The following DEUP1 variants were observed in gnomAD, a reference collection of about 807,000 sequenced individuals.
The protein encoded by DEUP1 is coiled-coil domain containing 67.
DEUP1 carries 82 observed loss-of-function variants against 87.4 expected under a neutral mutation model. That is an observed-to-expected ratio of 0.94 (90% CI 0.78 to 1.13). The LOEUF is 1.13. Among genes scored for constraint, DEUP1 ranks in the 50% most tolerant of loss-of-function variants. DEUP1 has a pLI of 0.00. For synonymous variants in DEUP1, 214 were observed against 222.7 expected, an observed-to-expected ratio of 0.96 and a Z score of 0.35; for missense variants, 663 against 681.5, an observed-to-expected ratio of 0.97 and a Z score of 0.30.
At chr11:93,359,111 A>T (rs1290727742) in intron 4 of DEUP1, among the ~76,000 whole-genome samples, 3 of 152,194 alleles carry the variant, frequency 2.0e-5, no homozygotes, top group Non-Finnish European at 2.9e-5. Context: ...TATGTACTTG[A>T]TTCGGTTTGC....
chr11:93,408,228 T>C lies in DEUP1; in HGVS notation c.1327-3T>C. 3 of 1,545,296 alleles carry C rather than the reference T, an allele frequency of 1.9e-6. No homozygotes were observed. Among genetic ancestry groups the C allele is most frequent in the Non-Finnish European group, 2.6e-6 (3 of 1,145,088 alleles). ...TTCAATGATAGTTTATTTTATTCTC[T>C]AGAGTATGGACTTCACTAACAGGGA... On this transcript the variant is annotated splice_polypyrimidine_tract_variant and splice_region_variant and intron_variant, in intron 11 of 13. Transcript: ENST00000298050.
chr11:93,392,653 TAAC>T (rs1053336433), intron 9 of DEUP1, among the ~76,000 whole-genome samples: 3 of 149,276 alleles, frequency 2.0e-5, no homozygotes, highest in Non-Finnish European at 3.0e-5. Flanking sequence ...GACATTGTAA[TAAC>T]ATTCTGGCTA....
Position 93,371,975 on chromosome 11 carries a change from C to T in DEUP1, c.789+695C>T, listed in dbSNP as rs1184782011. On this transcript the variant is annotated intron_variant, in intron 7 of 13. Transcript: ENST00000298050. ...ACGGAGTCTCGCTCTGTCGCCCAGG[C>T]TGGAGTGCAGTGGCGGGATCTCGGC... 2.7e-5 allele frequency among the ~76,000 whole-genome samples: 4 copies of T among 148,974 alleles called. No homozygotes were observed. The East Asian group carries it at 8.0e-4, about 30-fold the overall frequency.
intron 2 of DEUP1, among the ~76,000 whole-genome samples, chr11:93,348,664 G>A (rs1196726856): frequency 6.6e-6 from 1 of 152,120 alleles, no homozygotes; most frequent in African/African-American, 2.4e-5. Context: ...TATTAGTGTT[G>A]ATTTCTAATT....
intron 11 of DEUP1, among the ~76,000 whole-genome samples, chr11:93,403,793 T>G (rs1947190872): frequency 6.6e-6 from 1 of 151,802 alleles, no homozygotes; most frequent in Admixed American, 6.6e-5. Context: ...ATATTAAAAT[T>G]TCATAATTAG....
chr11:93,416,544 A>G (rs367660457), intron 13 of DEUP1, among the ~76,000 whole-genome samples: 1 of 151,916 alleles, frequency 6.6e-6, no homozygotes, highest in Non-Finnish European at 1.5e-5. Context: ...TCAATAGCTT[A>G]CCAACCAAAA....
In DEUP1 at chr11:93,402,530, A is replaced by G. The variant is rs568594430; in HGVS notation, c.1327-5701A>G. On this transcript the variant is annotated intron_variant, in intron 11 of 13. Transcript: ENST00000298050. ...GGTATATATCCAAAAGAAAGGAATC[A>G]ATATATAAAAGAGATACCTGCACTC... Among the ~76,000 whole-genome samples the G allele has an allele frequency of 2.6e-4, 40 of 152,096 alleles. No homozygotes were observed. The East Asian group carries it at 5.6e-3, about 21-fold the overall frequency.
In DEUP1 at chr11:93,355,443, G is replaced by T; in HGVS notation, c.102G>T (p.Met34Ile). 6.2e-7 allele frequency: 1 copy of T among 1,613,730 alleles called. No individual in the cohort carries two copies. The highest frequency in any genetic ancestry group is 2.2e-5 in the East Asian group (1 of 44,826). The change falls in exon 3 of 14, where the codon ATG becomes ATT. Residue 34 changes from methionine (M) to isoleucine (I), a missense_variant. Met to Ile is a conservative substitution (Grantham distance 10). Coordinates refer to ENST00000298050, the MANE Select transcript of DEUP1 (RefSeq NM_181645.4). Reference sequence around the variant, plus strand: ...ACATCATGGTAAGCAACAAGAAAATGGATTGGGAAAGAAAGATGCGGGCTT... The same window carrying T: ...ACATCATGGTAAGCAACAAGAAAATTGATTGGGAAAGAAAGATGCGGGCTT... Reference protein sequence around the residue: ...QIDIMVSNKKMDWERKMRALE... With the variant: ...QIDIMVSNKKIDWERKMRALE...
At chr11:93,395,693 C>T (rs1682099565) in intron 10 of DEUP1, among the ~76,000 whole-genome samples, 1 of 151,772 alleles carries the variant, frequency 6.6e-6, no homozygotes, top group Admixed American at 6.6e-5. Flanking sequence ...AGAAATGAGT[C>T]CTAGAGAAGT....
rs200293063 is a variant in DEUP1 at position 93,342,452 on chromosome 11, G to A, written c.29+10164G>A. On this transcript the variant is annotated intron_variant, in intron 2 of 13. Coordinates refer to ENST00000298050, the MANE Select transcript of DEUP1 (RefSeq NM_181645.4). ...CTCTAGCTGCAAGAGAAGGCACTGA[G>A]GCAAAGGAATGCAAGTTTTGTCCAC... 5.3e-5 allele frequency among the ~76,000 whole-genome samples: 8 copies of A among 152,326 alleles called. No homozygotes were observed. In the East Asian group the frequency reaches 1.3e-3, roughly 26 times the overall value.
At chr11:93,410,617 A>C (rs551689457) in intron 12 of DEUP1, among the ~76,000 whole-genome samples, 1 of 152,210 alleles carries the variant, frequency 6.6e-6, no homozygotes, top group Admixed American at 6.5e-5. Flanking sequence ...TTGAGCACCC[A>C]CTGGGTACAG....
At chr11:93,377,422 A>G (rs1946089644) in intron 7 of DEUP1, among the ~76,000 whole-genome samples, 1 of 152,060 alleles carries the variant, frequency 6.6e-6, no homozygotes, top group Non-Finnish European at 1.5e-5. Flanking sequence ...TATCTGATGT[A>G]AGAGTAGCTG....
rs1396191198 is a variant in DEUP1, at chr11:93,393,060, CTCCTCCTTCTTCTTCTCT to C, written c.1042-1387_1042-1370del. Among the ~76,000 whole-genome samples the C allele has an allele frequency of 2.8e-4, 41 of 144,850 alleles. 1 individual carries two copies. The highest frequency in any genetic ancestry group is 1.1e-3 in the African/African-American group (40 of 37,082). Reference sequence around the variant, plus strand: ...CTCCTTCTACTTCTTTCTCCTCCTCCTCCTCCTTCTTCTTCTCTTCCTCCTTCTTTTTTTTTTTTTTTT... The same window carrying C: ...CTCCTTCTACTTCTTTCTCCTCCTCCTCCTCCTTCTTTTTTTTTTTTTTTT... On this transcript the variant is annotated intron_variant, in intron 9 of 13. Coordinates refer to ENST00000298050, the MANE Select transcript of DEUP1 (RefSeq NM_181645.4).
intron 13 of DEUP1, among the ~76,000 whole-genome samples, chr11:93,428,283 A>C (rs1947993967): frequency 6.6e-6 from 1 of 152,172 alleles, no homozygotes; most frequent in Admixed American, 6.5e-5. Context: ...TGATGAGTTC[A>C]TGTCCTCTGT....
At chr11:93,349,154 CTT>C (rs1944506480) in intron 2 of DEUP1, among the ~76,000 whole-genome samples, 1 of 152,104 alleles carries the variant, frequency 6.6e-6, no homozygotes, top group Non-Finnish European at 1.5e-5. Context: ...GGCAATTGCT[CTT>C]TTGTCTCTGT....
intron 8 of DEUP1, among the ~76,000 whole-genome samples, chr11:93,386,015 T>G (rs2134326030): frequency 6.6e-6 from 1 of 151,818 alleles, no homozygotes; most frequent in African/African-American, 2.4e-5. Flanking sequence ...ATCGTGCCAC[T>G]GTACACCAGC....
At chr11:93,341,279 T>C (rs1044477609) in intron 2 of DEUP1, among the ~76,000 whole-genome samples, 12 of 149,936 alleles carry the variant, frequency 8.0e-5, no homozygotes, top group African/African-American at 2.9e-4. Flanking sequence ...ATTAGCTGGG[T>C]GTGGTGGCAC....
intron 13 of DEUP1, 121 bp downstream of exon 13, chr11:93,415,235 G>A: frequency 1.8e-6 from 1 of 557,534 alleles, no homozygotes; most frequent in Non-Finnish European, 3.2e-6. Flanking sequence ...CCTTGAATAG[G>A]ACTCCAAGAT....
chr11:93,402,337 T>C (rs1379662708), intron 11 of DEUP1, among the ~76,000 whole-genome samples: 7 of 151,962 alleles, frequency 4.6e-5, no homozygotes, highest in African/African-American at 1.7e-4. Flanking sequence ...ATGACTTTTA[T>C]TTAAAAAGAC....
Sources: allele counts gnomAD v4.1 joint callset (sites outside exome capture counted in the v4.1 genomes callset), GRCh38; gene constraint gnomAD v4.1.1; transcripts MANE v1.5; gene names NCBI Gene and HGNC (gene_info 2026-07-23, HGNC 2026-07-21).